The following H2AZ2 variants were observed in gnomAD, a reference collection of about 807,000 sequenced individuals.
H2AZ2 encodes H2A.Z variant histone 2, also known as histone H2A.V.
A neutral mutation model predicts 15.5 loss-of-function variants in H2AZ2; 5 were observed. The observed-to-expected ratio is 0.32, with a 90% CI of 0.17 to 0.68. The LOEUF (loss-of-function observed/expected upper bound fraction) is 0.68. H2AZ2 is among the 30% of genes least tolerant of loss of function. The pLI is 0.72. For missense variants in H2AZ2, 42 were observed against 162.5 expected (o/e 0.26, Z 4.03); for synonymous variants, 44 against 57.4 (o/e 0.77, Z 1.05).
chr7:44,839,392 A>G (rs1583716326), intron 3 of H2AZ2, among the ~76,000 whole-genome samples: 1 of 152,162 alleles, frequency 6.6e-6, no homozygotes, highest in African/African-American at 2.4e-5. Context: ...AAAATAAAAA[A>G]TAGGCTGGGC....
exon 5 of H2AZ2, chr7:44,826,955 A>G (rs566008994): frequency 6.6e-6 from 1 of 152,380 alleles, no homozygotes; most frequent in African/African-American, 2.4e-5. Flanking sequence ...TTAGTATGCT[A>G]TTCTTTGATT....
At chr7:44,840,071 G>T (rs1793237377) in intron 3 of H2AZ2, among the ~76,000 whole-genome samples, 1 of 151,974 alleles carries the variant, frequency 6.6e-6, no homozygotes, top group African/African-American at 2.4e-5. Context: ...GCACACACCT[G>T]AAGTCACAGC....
downstream of H2AZ2, among the ~76,000 whole-genome samples, chr7:44,831,132 A>C (rs1792992939): frequency 1.3e-5 from 2 of 152,244 alleles, no homozygotes; most frequent in African/African-American, 4.8e-5. Context: ...GTGCCACTGC[A>C]TGCCAGCCTG....
chr7:44,847,594 G>A (rs753658362), intron 1 of H2AZ2, among the ~76,000 whole-genome samples: 9 of 152,168 alleles, frequency 5.9e-5, no homozygotes, highest in Admixed American at 3.9e-4. Flanking sequence ...CTTGTACAGC[G>A]GCAGCCTGTT....
intron 3 of H2AZ2, among the ~76,000 whole-genome samples, chr7:44,839,901 G>A (rs1350451195): frequency 6.6e-6 from 1 of 151,584 alleles, no homozygotes; most frequent in Non-Finnish European, 1.5e-5. Flanking sequence ...TACTGGGGAG[G>A]CTGAGGCAGG....
intron 3 of H2AZ2, among the ~76,000 whole-genome samples, chr7:44,837,817 A>C (rs1013633877): frequency 1.1e-5 from 1 of 89,318 alleles, no homozygotes; most frequent in Non-Finnish European, 2.6e-5. Context: ...AAAGTTCCCA[A>C]AGATTTAAAA....
At chr7:44,830,984 G>A (rs1792990743), downstream of H2AZ2, among the ~76,000 whole-genome samples, 3 of 152,190 alleles carry the variant, frequency 2.0e-5, no homozygotes, top group South Asian at 6.2e-4. Flanking sequence ...GTGAGATCCT[G>A]TCTCAGAAAC....
At chr7:44,836,013 G>A (rs1010703137) in intron 3 of H2AZ2, among the ~76,000 whole-genome samples, 1 of 142,932 alleles carries the variant, frequency 7.0e-6, no homozygotes, top group African/African-American at 2.6e-5. Context: ...AGGCTGGAGT[G>A]CAGTGGTGTG....
intron 1 of H2AZ2, among the ~76,000 whole-genome samples, chr7:44,845,635 A>G (rs1793379352): frequency 6.6e-6 from 1 of 152,290 alleles, no homozygotes; most frequent in Non-Finnish European, 1.5e-5. Context: ...AGGTCATATA[A>G]TAACTACTCT....
At chr7:44,844,429 C>T (rs1357155264) in intron 1 of H2AZ2, among the ~76,000 whole-genome samples, 2 of 152,114 alleles carry the variant, frequency 1.3e-5, no homozygotes, top group African/African-American at 2.4e-5. Flanking sequence ...TTGTGGTTGC[C>T]AGGGGTAGCT....
At position 44,834,130 on chromosome 7, in the gene H2AZ2, T is replaced by C. The variant is rs963184224; in HGVS notation, c.*371A>G. 1 of 954,540 alleles carries C rather than the reference T, an allele frequency of 1.0e-6. No individual in the cohort carries two copies. Among genetic ancestry groups the C allele is most frequent in the Non-Finnish European group, 1.3e-6 (1 of 793,968 alleles). The allele number at this position is 954,540 out of a possible 1,614,324, so 59.1% of individuals were successfully genotyped here. A position where few individuals can be genotyped will look rare whatever the true frequency, so the allele number is the denominator to read the frequency against. On this transcript the variant is annotated 3_prime_UTR_variant, in exon 5 of 5. Transcript: ENST00000308153. ...GTAAAGATATATTCCCAATTTCTGT[T>C]CTAAGGTTACTCTGAATAACCAATC...
At chr7:44,830,235 A>T, downstream of H2AZ2, 1 of 1,402,896 alleles carries the variant, frequency 7.1e-7, no homozygotes, top group South Asian at 1.2e-5. Context: ...CTCATAGATG[A>T]GCTGATAACT....
In H2AZ2 at chr7:44,832,685, A is replaced by C. The variant is rs1793020612; in HGVS notation, c.*1816T>G. Among the ~76,000 whole-genome samples, 1 of 152,222 alleles carries C rather than the reference A, an allele frequency of 6.6e-6. No individual in the cohort carries two copies. The highest frequency in any genetic ancestry group is 2.4e-5 in the African/African-American group (1 of 41,466). ...TACTTAGCGCAGGGCATGGTGGCTTATGCCTATAATCCCAGTACTTTGGGA... is the reference window on the plus strand; with the variant it reads ...TACTTAGCGCAGGGCATGGTGGCTTCTGCCTATAATCCCAGTACTTTGGGA... On this transcript the variant is annotated 3_prime_UTR_variant, in exon 5 of 5. Transcript: ENST00000308153.
intron 1 of H2AZ2, among the ~76,000 whole-genome samples, chr7:44,847,212 C>T (rs553740027): frequency 6.6e-6 from 1 of 152,162 alleles, no homozygotes; most frequent in Non-Finnish European, 1.5e-5. Context: ...TATCCTTTAG[C>T]ACCTTCTCTT....
At position 44,832,415 on chromosome 7, in the gene H2AZ2, G is replaced by T. The variant is rs1456980455; in HGVS notation, c.*2086C>A. 5.1e-4 allele frequency among the ~76,000 whole-genome samples: 77 copies of T among 152,160 alleles called. 2 individuals carry two copies. The highest frequency in any genetic ancestry group is 5.0e-3 in the Admixed American group (76 of 15,276). ...CCCTGTGGGTTGGGGCAGGGGATAG[G>T]TGGGGATGCAGGTAAACAAGACTGA... On this transcript the variant is annotated 3_prime_UTR_variant, in exon 5 of 5. Coordinates refer to ENST00000308153, the MANE Select transcript of H2AZ2 (RefSeq NM_012412.5).
chr7:44,844,915 G>A (rs1793360673), intron 1 of H2AZ2, among the ~76,000 whole-genome samples: 1 of 151,978 alleles, frequency 6.6e-6, no homozygotes, highest in South Asian at 2.1e-4. Flanking sequence ...TTGCCTCTCG[G>A]GAGGAAATAC....
intron 1 of H2AZ2, 84 bp from the exon 2 acceptor site, chr7:44,843,438 T>G: frequency 2.1e-6 from 2 of 931,934 alleles, no homozygotes; most frequent in Non-Finnish European, 3.4e-6. Flanking sequence ...TTTTTTCTAG[T>G]TTTACTTTAG....
chr7:44,830,335 G>C (rs892149056), downstream of H2AZ2, among the ~76,000 whole-genome samples: 10 of 152,130 alleles, frequency 6.6e-5, no homozygotes, highest in African/African-American at 2.4e-4. Context: ...TTGCATGTTT[G>C]AAAATTTTCA....
chr7:44,840,602 C>G (rs1002761867), intron 3 of H2AZ2, among the ~76,000 whole-genome samples: 4 of 152,142 alleles, frequency 2.6e-5, no homozygotes, highest in African/African-American at 9.7e-5. Context: ...GAAACTCTGT[C>G]TCTACTAAAA....
Sources: allele counts gnomAD v4.1 joint callset (sites outside exome capture counted in the v4.1 genomes callset), GRCh38; gene constraint gnomAD v4.1.1; transcripts MANE v1.5; gene names NCBI Gene and HGNC (gene_info 2026-07-23, HGNC 2026-07-21).